ZMAT4: variants seen among roughly 807,000 people sequenced by gnomAD.
ZMAT4 encodes the protein zinc finger matrin-type protein 4.
A neutral mutation model predicts 28.7 loss-of-function variants in ZMAT4; 17 were observed. That is an observed-to-expected ratio of 0.59 (90% confidence interval 0.41 to 0.89). The LOEUF is 0.89. Ranked by LOEUF, ZMAT4 falls within the 40% of genes least tolerant of loss-of-function variation. The pLI, the probability that ZMAT4 is intolerant of heterozygous loss-of-function variation, is 0.00. For missense variants in ZMAT4, 240 were observed against 283.8 expected (o/e 0.85, Z 1.11); for synonymous variants, 117 against 109.2 (o/e 1.07, Z -0.44).
intron 2 of ZMAT4, among the ~76,000 whole-genome samples, chr8:40,790,356 G>T (rs960381003): frequency 4.6e-5 from 7 of 152,074 alleles, no homozygotes; most frequent in Admixed American, 6.5e-5. Flanking sequence ...AATGTTTCAG[G>T]ATACAAGATT....
chr8:40,801,532 A>G (rs1814849450), intron 2 of ZMAT4, among the ~76,000 whole-genome samples: 1 of 151,478 alleles, frequency 6.6e-6, no homozygotes, highest in African/African-American at 2.4e-5. Flanking sequence ...TAACTGGGTG[A>G]GGTGGTGCAC....
chr8:40,782,418 C>T (rs1385359670), intron 2 of ZMAT4, among the ~76,000 whole-genome samples: 1 of 151,072 alleles, frequency 6.6e-6, no homozygotes. Context: ...AACAAACAAA[C>T]AAAAACAAAA....
chr8:40,651,861 G>A (rs1807674409), intron 5 of ZMAT4, among the ~76,000 whole-genome samples: 1 of 121,362 alleles, frequency 8.2e-6, no homozygotes, highest in Non-Finnish European at 1.7e-5. Flanking sequence ...AATGGTGCTG[G>A]GAAAACTGGC....
At chr8:40,838,815 G>A (rs1293194576) in intron 1 of ZMAT4, among the ~76,000 whole-genome samples, 2 of 152,140 alleles carry the variant, frequency 1.3e-5, no homozygotes, top group Admixed American at 1.3e-4. Context: ...TTTGGAAGGT[G>A]AAGAGGCCAA....
intron 4 of ZMAT4, among the ~76,000 whole-genome samples, chr8:40,680,701 T>TACACACACACACACAC (rs71224844): frequency 2.3e-5 from 2 of 86,834 alleles, no homozygotes; most frequent in East Asian, 5.7e-4. Flanking sequence ...ATGTCTAATG[T>TACACACACACACACAC]ACACACACAC....
At chr8:40,562,248 G>A (rs959242763) in intron 6 of ZMAT4, among the ~76,000 whole-genome samples, 4 of 152,116 alleles carry the variant, frequency 2.6e-5, no homozygotes, top group East Asian at 1.9e-4. Flanking sequence ...CCTCACTCCC[G>A]GCCAGATTCT....
intron 5 of ZMAT4, 127 bp downstream of exon 5, chr8:40,674,577 C>A (rs1808825871): frequency 7.0e-6 from 5 of 717,272 alleles, no homozygotes; most frequent in Non-Finnish European, 1.2e-5. Context: ...TTGTCCATTT[C>A]TTTTGGGTGA....
chr8:40,754,707 T>C (rs901606269), intron 3 of ZMAT4, among the ~76,000 whole-genome samples: 6 of 152,328 alleles, frequency 3.9e-5, no homozygotes, highest in African/African-American at 1.2e-4. Context: ...ATAATTTGGC[T>C]TGGAGGACAG....
At chr8:40,550,818 G>C (rs1197707922) in intron 6 of ZMAT4, among the ~76,000 whole-genome samples, 1 of 152,080 alleles carries the variant, frequency 6.6e-6, no homozygotes, top group Non-Finnish European at 1.5e-5. Context: ...AAATTACCCA[G>C]TTTCAAGTAT....
At chr8:40,874,934 G>A (rs1817986700) in intron 1 of ZMAT4, among the ~76,000 whole-genome samples, 1 of 152,182 alleles carries the variant, frequency 6.6e-6, no homozygotes, top group Admixed American at 6.5e-5. Context: ...TTTTCCTACT[G>A]ATTTCCAGTC....
intron 6 of ZMAT4, among the ~76,000 whole-genome samples, chr8:40,574,628 C>CA (rs1804203127): frequency 6.6e-6 from 1 of 152,092 alleles, no homozygotes; most frequent in Non-Finnish European, 1.5e-5. Flanking sequence ...TGATGTACAG[C>CA]AAAAAATTGG....
chr8:40,834,812 A>G (rs1322084275), intron 1 of ZMAT4, among the ~76,000 whole-genome samples: 1 of 152,258 alleles, frequency 6.6e-6, no homozygotes, highest in Non-Finnish European at 1.5e-5. Flanking sequence ...CTTTGCCTCC[A>G]CCTAACAGGG....
intron 3 of ZMAT4, among the ~76,000 whole-genome samples, chr8:40,766,741 C>T (rs866182151): frequency 9.2e-5 from 14 of 152,160 alleles, no homozygotes; most frequent in African/African-American, 3.4e-4. Flanking sequence ...TCTCTTGCTC[C>T]CTCTTTTTAT....
intron 2 of ZMAT4, among the ~76,000 whole-genome samples, chr8:40,770,899 GTACCTACTGGAAATTCTA>G (rs1429154453): frequency 3.9e-5 from 6 of 151,990 alleles, no homozygotes; most frequent in Admixed American, 2.0e-4. Context: ...TCTCTACCCT[GTACCTACTGGAAATTCTA>G]TGAGATTTGG....
intron 4 of ZMAT4, among the ~76,000 whole-genome samples, chr8:40,695,768 A>ATTTTTTTTTTT (rs756360990): frequency 1.7e-5 from 1 of 58,468 alleles, no homozygotes; most frequent in African/African-American, 6.8e-5. Flanking sequence ...CCATGTGGCA[A>ATTTTTTTTTTT]TTTTTTTTTT....
intron 2 of ZMAT4, among the ~76,000 whole-genome samples, chr8:40,769,670 C>A (rs1813309704): frequency 1.3e-5 from 2 of 152,106 alleles, no homozygotes; most frequent in South Asian, 4.1e-4. Context: ...CATTTGTTAC[C>A]ATAGAGGAAC....
intron 5 of ZMAT4, among the ~76,000 whole-genome samples, chr8:40,615,326 T>C (rs531078698): frequency 2.4e-4 from 36 of 152,334 alleles, no homozygotes; most frequent in African/African-American, 7.7e-4. Flanking sequence ...CCTTTGTGAG[T>C]AACCCGACCT....
intron 4 of ZMAT4, among the ~76,000 whole-genome samples, chr8:40,689,377 A>C (rs1809561039): frequency 6.6e-6 from 1 of 152,274 alleles, no homozygotes; most frequent in Non-Finnish European, 1.5e-5. Flanking sequence ...TCAGGGTCAG[A>C]GAACAGAAGT....
intron 2 of ZMAT4, among the ~76,000 whole-genome samples, chr8:40,811,631 C>T (rs1815321297): frequency 6.6e-6 from 1 of 152,140 alleles, no homozygotes; most frequent in South Asian, 2.1e-4. Flanking sequence ...GCTAGTAAGG[C>T]ATTGGAGGCA....
Sources: gnomAD v4.1 joint callset for allele counts (sites outside exome capture counted in the v4.1 genomes callset) on GRCh38, gnomAD v4.1.1 for gene constraint, MANE v1.5 for transcripts, NCBI Gene and HGNC (gene_info 2026-07-23, HGNC 2026-07-21) for gene names.